The following FMNL2 variants were observed in gnomAD, a reference collection of about 807,000 sequenced individuals.
FMNL2 encodes the protein formin-like protein 2.
Under a neutral mutation model 130.2 loss-of-function variants are expected in FMNL2, and 51 were observed. The observed-to-expected ratio is 0.39, with a 90% CI of 0.31 to 0.49. The LOEUF (loss-of-function observed/expected upper bound fraction) is 0.49, where lower values mean the gene tolerates loss of function less well. FMNL2 is among the 20% of genes least tolerant of loss of function. The pLI, the probability that FMNL2 is intolerant of heterozygous loss-of-function variation, is 0.85. For missense variants in FMNL2, 977 were observed against 1,316.2 expected (o/e 0.74, Z 3.99); for synonymous variants, 465 against 467.1 (o/e 1.00, Z 0.06).
chr2:152,490,569 A>ATGGG (rs1553465322), intron 1 of FMNL2, among the ~76,000 whole-genome samples: 1 of 108,520 alleles, frequency 9.2e-6, no homozygotes, highest in Non-Finnish European at 1.9e-5. Context: ...TTGCTATCCA[A>ATGGG]TGTGTGTGTG....
intron 1 of FMNL2, among the ~76,000 whole-genome samples, chr2:152,484,580 C>G (rs1234595558): frequency 6.6e-6 from 1 of 151,850 alleles, no homozygotes; most frequent in African/African-American, 2.4e-5. Flanking sequence ...TGAGACCATC[C>G]TGGGCAGCAT....
At chr2:152,539,369 G>T in intron 2 of FMNL2, 1 of 160,954 alleles carries the variant, frequency 6.2e-6, no homozygotes, top group South Asian at 1.7e-4. Context: ...GTGAACTTCA[G>T]AACCTTCTTT....
chr2:152,404,727 C>G (rs892551172), intron 1 of FMNL2, among the ~76,000 whole-genome samples: 4 of 152,162 alleles, frequency 2.6e-5, no homozygotes, highest in African/African-American at 9.7e-5. Context: ...TTGCATCATT[C>G]AGTCCAGTGG....
intron 1 of FMNL2, among the ~76,000 whole-genome samples, chr2:152,387,476 AT>A (rs1331772809): frequency 6.6e-6 from 1 of 152,134 alleles, no homozygotes; most frequent in Non-Finnish European, 1.5e-5. Flanking sequence ...AACAAATTTA[AT>A]TTTTTTCTAT....
intron 1 of FMNL2, among the ~76,000 whole-genome samples, chr2:152,447,871 A>T (rs1688435770): frequency 6.6e-6 from 1 of 152,214 alleles, no homozygotes; most frequent in South Asian, 2.1e-4. Context: ...TTACATAAAA[A>T]GTATGCCTGT....
At chr2:152,420,572 C>T (rs1686856620) in intron 1 of FMNL2, among the ~76,000 whole-genome samples, 1 of 152,178 alleles carries the variant, frequency 6.6e-6, no homozygotes, top group Admixed American at 6.5e-5. Context: ...AGCACTGGGG[C>T]ATTGGGTATC....
At chr2:152,390,807 C>T (rs757990766) in intron 1 of FMNL2, among the ~76,000 whole-genome samples, 1 of 152,184 alleles carries the variant, frequency 6.6e-6, no homozygotes, top group African/African-American at 2.4e-5. Context: ...GTCTTGTCTT[C>T]CCCAGTTGGC....
chr2:152,595,526 C>A (rs1260407563), intron 9 of FMNL2, among the ~76,000 whole-genome samples: 1 of 152,100 alleles, frequency 6.6e-6, no homozygotes, highest in Non-Finnish European at 1.5e-5. Context: ...GCCATGTTGG[C>A]CAGGCTGGTC....
intron 1 of FMNL2, among the ~76,000 whole-genome samples, chr2:152,397,033 T>C (rs1685431477): frequency 6.6e-6 from 1 of 152,184 alleles, no homozygotes; most frequent in Non-Finnish European, 1.5e-5. Context: ...CCAGAAGATG[T>C]TGTCATCCTT....
chr2:152,634,790 A>T (rs537630775), intron 21 of FMNL2, among the ~76,000 whole-genome samples: 2 of 152,330 alleles, frequency 1.3e-5, no homozygotes, highest in South Asian at 4.1e-4. Context: ...GACCAATGCT[A>T]GCTACAGGCG....
intron 9 of FMNL2, among the ~76,000 whole-genome samples, chr2:152,602,706 T>C (rs916423519): frequency 4.6e-5 from 7 of 152,234 alleles, no homozygotes; most frequent in African/African-American, 1.7e-4. Context: ...ATGGAAGTGA[T>C]GCCCATCAAT....
intron 1 of FMNL2, among the ~76,000 whole-genome samples, chr2:152,391,030 A>T (rs1685080152): frequency 2.0e-5 from 3 of 152,236 alleles, no homozygotes; most frequent in Admixed American, 2.0e-4. Flanking sequence ...GTGCTGAGGC[A>T]TGAATAAATA....
intron 1 of FMNL2, among the ~76,000 whole-genome samples, chr2:152,470,439 G>A (rs1016813229): frequency 3.3e-5 from 5 of 152,174 alleles, no homozygotes; most frequent in Admixed American, 6.5e-5. Flanking sequence ...TCTACGATTT[G>A]TCAACCGTGG....
chr2:152,346,713 T>C (rs911657602), intron 1 of FMNL2, among the ~76,000 whole-genome samples: 1 of 152,142 alleles, frequency 6.6e-6, no homozygotes, highest in Non-Finnish European at 1.5e-5. Flanking sequence ...CTAATGATAA[T>C]GGAGAAATTT....
At chr2:152,386,518 T>C (rs972365922) in intron 1 of FMNL2, among the ~76,000 whole-genome samples, 4 of 14,574 alleles carry the variant, frequency 2.7e-4, no homozygotes, top group Non-Finnish European at 1.2e-3. Context: ...CATTAACTCA[T>C]TCAAACTCTA....
chr2:152,567,472 TC>T (rs1695917796), intron 6 of FMNL2, among the ~76,000 whole-genome samples: 1 of 152,222 alleles, frequency 6.6e-6, no homozygotes, highest in Admixed American at 6.5e-5. Context: ...CCTCTACCTC[TC>T]CTTTGAATTA....
At chr2:152,412,494 ATATATAT>A (rs1558841097) in intron 1 of FMNL2, among the ~76,000 whole-genome samples, 21 of 77,812 alleles carry the variant, frequency 2.7e-4, no homozygotes, top group African/African-American at 1.1e-3. Flanking sequence ...ATATATATAT[ATATATAT>A]AAATTAGAAA....
intron 9 of FMNL2, among the ~76,000 whole-genome samples, chr2:152,593,779 T>C (rs1697566366): frequency 6.6e-6 from 1 of 151,352 alleles, no homozygotes; most frequent in African/African-American, 2.4e-5. Context: ...CGAGGTCAGA[T>C]TCTTAGCTGT....
At chr2:152,628,606 A>G in intron 18 of FMNL2, 73 bp downstream of exon 18, 1 of 1,334,710 alleles carries the variant, frequency 7.5e-7, no homozygotes, top group Non-Finnish European at 1.1e-6. Flanking sequence ...AGTCTCTCCC[A>G]GAATCGTACT....
Sources: gnomAD v4.1 joint callset for allele counts (sites outside exome capture counted in the v4.1 genomes callset) on GRCh38, gnomAD v4.1.1 for gene constraint, MANE v1.5 for transcripts, NCBI Gene and HGNC (gene_info 2026-07-23, HGNC 2026-07-21) for gene names.